RAP1GAP2: variants seen among roughly 807,000 people sequenced by gnomAD.
The protein encoded by RAP1GAP2 is rap1 GTPase-activating protein 2.
In RAP1GAP2, 27 loss-of-function variants were observed where a neutral mutation model predicts 95.0. That is an observed-to-expected ratio of 0.28 (90% CI 0.21 to 0.39). RAP1GAP2 has a LOEUF of 0.39. RAP1GAP2 is among the 10% of genes least tolerant of loss of function. The probability of loss-of-function intolerance (pLI) is 1.00; values close to 1 mark genes in which losing one functional copy is unlikely to be tolerated. For synonymous variants in RAP1GAP2, 373 were observed against 380.9 expected, an observed-to-expected ratio of 0.98 and a Z score of 0.24; for missense variants, 771 against 970.0, an observed-to-expected ratio of 0.79 and a Z score of 2.72.
chr17:2,976,259 T>G (rs1408951409), intron 8 of RAP1GAP2, among the ~76,000 whole-genome samples: 1 of 152,232 alleles, frequency 6.6e-6, no homozygotes, highest in Non-Finnish European at 1.5e-5. Flanking sequence ...ATTCTTGCTC[T>G]TAGCAAAAGA....
At chr17:2,969,496 C>CTTTTTTTTTTTTTT (rs34468461) in intron 8 of RAP1GAP2, among the ~76,000 whole-genome samples, 2 of 83,782 alleles carry the variant, frequency 2.4e-5, no homozygotes, top group African/African-American at 9.1e-5. Context: ...TATATATATT[C>CTTTTTTTTTTTTTT]TTTTTTTTTT....
intron 2 of RAP1GAP2, among the ~76,000 whole-genome samples, chr17:2,828,347 C>CAACA (rs150647555): frequency 0.8 from 119,712 of 150,224 alleles, 48,186 homozygotes; most frequent in African/African-American, 0.92. Context: ...TCAAAAACAA[C>CAACA]AACAAACAAA....
chr17:2,889,971 G>T (rs1281743237), intron 2 of RAP1GAP2, among the ~76,000 whole-genome samples: 1 of 143,996 alleles, frequency 6.9e-6, no homozygotes, highest in East Asian at 2.1e-4. Context: ...TGATCCGCCC[G>T]CTTTGGCCTC....
chr17:2,967,243 T>C (rs893620428), intron 8 of RAP1GAP2, among the ~76,000 whole-genome samples: 107 of 151,456 alleles, frequency 7.1e-4, no homozygotes, highest in African/African-American at 1.2e-3. Flanking sequence ...TGGTGGCGGG[T>C]GCCTGTAGTC....
chr17:2,788,039 AATG>A (rs2068832062), intron 1 of RAP1GAP2, among the ~76,000 whole-genome samples: 1 of 152,198 alleles, frequency 6.6e-6, no homozygotes, highest in Non-Finnish European at 1.5e-5. Context: ...TTGCTATTAT[AATG>A]ATATGATTAA....
At chr17:2,994,883 G>T (rs946247001) in intron 12 of RAP1GAP2, among the ~76,000 whole-genome samples, 1 of 152,132 alleles carries the variant, frequency 6.6e-6, no homozygotes, top group African/African-American at 2.4e-5. Flanking sequence ...GCGCCATCTC[G>T]GCTCACTGCA....
At chr17:2,852,763 G>A (rs918406178) in intron 2 of RAP1GAP2, among the ~76,000 whole-genome samples, 1 of 152,192 alleles carries the variant, frequency 6.6e-6, no homozygotes, top group Non-Finnish European at 1.5e-5. Context: ...GGGGTGAGGC[G>A]GGAGGGGGCT....
At chr17:2,841,057 A>G (rs2071354509) in intron 2 of RAP1GAP2, among the ~76,000 whole-genome samples, 1 of 151,798 alleles carries the variant, frequency 6.6e-6, no homozygotes, top group Non-Finnish European at 1.5e-5. Flanking sequence ...TGGGAAGCTG[A>G]GGCAGGAGAA....
chr17:2,816,982 C>CTTTTTTT (rs148255771), intron 2 of RAP1GAP2, among the ~76,000 whole-genome samples: 2 of 48,678 alleles, frequency 4.1e-5, no homozygotes, highest in African/African-American at 1.5e-4. Flanking sequence ...TCAGAATTTC[C>CTTTTTTT]TTTTTTTTTT....
intron 3 of RAP1GAP2, among the ~76,000 whole-genome samples, chr17:2,935,250 G>A: frequency 6.6e-6 from 1 of 152,192 alleles, no homozygotes; most frequent in East Asian, 1.9e-4. Context: ...GCTCACACCT[G>A]TAATCCCAGC....
rs779824557 is a variant in RAP1GAP2, at chr17:3,020,487, T to TGGC, written c.1647_1649dup (p.Ala550dup). ...CAATTTCATCGACAGCCTCCAGTGG[T>TGGC]GGCGGCAACGGTGAAGAACCAGTCA... On this transcript the variant is annotated inframe_insertion, in exon 19 of 25. Transcript: ENST00000254695. 6 of 1,613,384 alleles carry TGGC rather than the reference T, an allele frequency of 3.7e-6. No individual in the cohort carries two copies. Among genetic ancestry groups the TGGC allele is most frequent in the Admixed American group, 3.3e-5 (2 of 59,962 alleles).
Position 2,965,251 on chromosome 17 carries a change from C to T in RAP1GAP2, c.493-289C>T. 2.3e-6 allele frequency: 1 copy of T among 436,752 alleles called. No homozygotes were observed. Among genetic ancestry groups the T allele is most frequent in the Non-Finnish European group, 4.2e-6 (1 of 237,458 alleles). The allele number at this position is 436,752 out of a possible 1,614,324, so 27.1% of individuals were successfully genotyped here. On this transcript the variant is annotated intron_variant, in intron 7 of 24. Coordinates refer to ENST00000254695, the MANE Select transcript of RAP1GAP2 (RefSeq NM_015085.5). This position sits in a 1 kb window ranked among gnomAD's most constrained non-coding sequence, Gnocchi z 4.7. ...CGTGTCATCCTGGGCAGTGACTTAACCCCCCGACCATTGGTTTTCCCATCT... is the reference window on the plus strand; with the variant it reads ...CGTGTCATCCTGGGCAGTGACTTAATCCCCCGACCATTGGTTTTCCCATCT...
At chr17:2,796,146 C>T (rs1212584349), upstream of RAP1GAP2, among the ~76,000 whole-genome samples, 2 of 152,158 alleles carry the variant, frequency 1.3e-5, no homozygotes, top group Non-Finnish European at 2.9e-5. The surrounding 1 kb of genome is among the most constrained non-coding windows in gnomAD (Gnocchi z 4.7). Flanking sequence ...TTCTGTCCCT[C>T]CTAGGCGTGG....
At chr17:3,011,539 C>T (rs1840269465) in intron 17 of RAP1GAP2, among the ~76,000 whole-genome samples, 1 of 151,676 alleles carries the variant, frequency 6.6e-6, no homozygotes, top group South Asian at 2.1e-4. Context: ...CCTGGGATCG[C>T]TCTTGAAACA....
chr17:2,792,573 C>T (rs942680769), upstream of RAP1GAP2, among the ~76,000 whole-genome samples: 1 of 152,222 alleles, frequency 6.6e-6, no homozygotes, highest in Non-Finnish European at 1.5e-5. Flanking sequence ...CCTTTCCAGC[C>T]CTCAGTCTGG....
At chr17:2,888,387 T>G (rs570487524) in intron 2 of RAP1GAP2, among the ~76,000 whole-genome samples, 1 of 152,282 alleles carries the variant, frequency 6.6e-6, no homozygotes, top group South Asian at 2.1e-4. Context: ...TCGGTACTTT[T>G]GTATCCCTGC....
intron 3 of RAP1GAP2, among the ~76,000 whole-genome samples, chr17:2,936,902 C>T (rs1352535998): frequency 6.6e-6 from 1 of 152,194 alleles, no homozygotes; most frequent in Non-Finnish European, 1.5e-5. Context: ...CTATGATTGT[C>T]ATAGTCACCA....
chr17:2,954,395 C>T (rs983895114), intron 3 of RAP1GAP2, among the ~76,000 whole-genome samples: 28 of 151,894 alleles, frequency 1.8e-4, no homozygotes, highest in Middle Eastern at 3.4e-3. Context: ...TGAGCCACCA[C>T]GCCTGGCCTT....
At chr17:2,848,288 G>A (rs182175949) in intron 2 of RAP1GAP2, among the ~76,000 whole-genome samples, 175 of 152,162 alleles carry the variant, frequency 1.2e-3, no homozygotes, top group Non-Finnish European at 2.0e-3. Flanking sequence ...TTAATATGAC[G>A]TCTGTGGCCC....
Sources: gnomAD v4.1 joint callset for allele counts (sites outside exome capture counted in the v4.1 genomes callset) on GRCh38, gnomAD v4.1.1 for gene constraint, Gnocchi (gnomAD v3.1) non-coding constraint, MANE v1.5 for transcripts, NCBI Gene and HGNC (gene_info 2026-07-23, HGNC 2026-07-21) for gene names.